The following DHODH variants were observed in gnomAD, a reference collection of about 807,000 sequenced individuals.
The protein encoded by DHODH is dihydroorotate dehydrogenase (quinone), mitochondrial.
Under a neutral mutation model 39.7 loss-of-function variants are expected in DHODH, and 30 were observed. The ratio of observed to expected loss-of-function variants is 0.76; its 90% CI spans 0.57 to 1.02. The LOEUF (loss-of-function observed/expected upper bound fraction) is 1.02, where lower values mean the gene tolerates loss of function less well. Among genes scored for constraint, DHODH ranks in the 50% least tolerant of loss-of-function variants. The pLI is 0.00. For synonymous variants in DHODH, 222 were observed against 213.8 expected, an observed-to-expected ratio of 1.04 and a Z score of -0.34; for missense variants, 531 against 520.8, an observed-to-expected ratio of 1.02 and a Z score of -0.19.
chr16:72,010,042 C>G (rs1320205571), intron 1 of DHODH, among the ~76,000 whole-genome samples: 1 of 152,240 alleles, frequency 6.6e-6, no homozygotes, highest in Non-Finnish European at 1.5e-5. Context: ...GCTACCGCGC[C>G]CAGCCAATGA....
chr16:72,015,488 C>T (rs762735095), intron 3 of DHODH: 2 of 158,882 alleles, frequency 1.3e-5, no homozygotes, highest in Non-Finnish European at 2.7e-5. Flanking sequence ...TGAAGAAGTG[C>T]TTACTTTTTG....
chr16:72,011,455 AT>A (rs1418140749), intron 1 of DHODH, among the ~76,000 whole-genome samples: 1 of 152,240 alleles, frequency 6.6e-6, no homozygotes, highest in Non-Finnish European at 1.5e-5. Context: ...CCTGGGCAAC[AT>A]AAAGAGGCTC....
Position 72,026,972 on chromosome 16 carries a change from TG to T in DHODH, c.*2774del, listed in dbSNP as rs2041281371. 4 of 83,098 alleles carry T rather than the reference TG, an allele frequency of 4.8e-5. No individual in the cohort carries two copies. The highest frequency in any genetic ancestry group is 1.4e-4 in the African/African-American group (4 of 28,650). 5.1% of individuals were successfully genotyped at this position (83,098 alleles called of 1,614,324 possible). A position where few individuals can be genotyped will look rare whatever the true frequency, so the allele number is the denominator to read the frequency against. ...CACCCAGCTAATTTGTGTGTGTGTG[TG>T]TGTGTGTGTGTGTGTGTGTGTGTGT... On this transcript the variant is annotated 3_prime_UTR_variant, in exon 9 of 9. Transcript: ENST00000219240.
chr16:72,020,335 A>ATATATATATATATGTGTG (rs1555530878), intron 4 of DHODH: 1 of 117,364 alleles, frequency 8.5e-6, no homozygotes, highest in Admixed American at 8.4e-5. Flanking sequence ...ATGTGTATAT[A>ATATATATATATATGTGTG]TATATATATA....
intron 4 of DHODH, chr16:72,020,371 ATTTTT>A (rs869191564): frequency 2.2e-5 from 2 of 89,114 alleles, no homozygotes; most frequent in African/African-American, 1.0e-4. Context: ...ATATATATAT[ATTTTT>A]TTTTTTTTTC....
intron 3 of DHODH, 89 bp downstream of exon 3, chr16:72,014,761 C>G (rs553114904): frequency 5.8e-5 from 75 of 1,298,142 alleles, no homozygotes; most frequent in Non-Finnish European, 7.9e-5. Flanking sequence ...TTTTTTTTCT[C>G]TCATACAATG....
chr16:72,011,926 A>C, intron 1 of DHODH, 124 bp from the exon 2 acceptor site: 1 of 714,784 alleles, frequency 1.4e-6, no homozygotes, highest in East Asian at 2.6e-5. Context: ...GTGTCAGCGG[A>C]AGGCTAAGGG....
chr16:72,017,901 A>G (rs1305723256), intron 4 of DHODH, among the ~76,000 whole-genome samples: 3 of 150,796 alleles, frequency 2.0e-5, no homozygotes, highest in African/African-American at 7.4e-5. Context: ...CCTCCCGAGT[A>G]GCTGGGACTT....
At chr16:72,020,949 T>C (rs1424794311) in intron 4 of DHODH, among the ~76,000 whole-genome samples, 175 bp from the exon 5 acceptor site, 1 of 152,218 alleles carries the variant, frequency 6.6e-6, no homozygotes, top group Non-Finnish European at 1.5e-5. Context: ...GTGAGTGGTT[T>C]TGGTCAGCAG....
rs1379656771 is a variant in DHODH at position 72,022,454 on chromosome 16, C to T, written c.798C>T (p.Asp266=). Reference sequence around the variant, plus strand: ...ACCTCACCAGCCAGGATAAGGAGGACATTGCCAGTGTGGTCAAAGAGGTTT... The same window carrying T: ...ACCTCACCAGCCAGGATAAGGAGGATATTGCCAGTGTGGTCAAAGAGGTTT... The part of the protein sequence containing the change: ...APDLTSQDKE[D]IASVVKELGI... The change falls in exon 6 of 9, where the codon GAC becomes GAT. Residue 266 remains aspartate, a synonymous_variant. Transcript: ENST00000219240. The T allele has an allele frequency of 9.7e-6, 15 of 1,554,394 alleles. No homozygotes were observed. Among genetic ancestry groups the T allele is most frequent in the Non-Finnish European group, 1.3e-5 (15 of 1,148,738 alleles).
At position 72,023,559 on chromosome 16, in the gene DHODH, G is replaced by T. The variant is rs1405557935; in HGVS notation, c.1059G>T (p.Gln353His). 6.2e-7 allele frequency: 1 copy of T among 1,614,014 alleles called. No individual in the cohort carries two copies. Among genetic ancestry groups the T allele is most frequent in the Non-Finnish European group, 8.5e-7 (1 of 1,180,062 alleles). The change falls in exon 8 of 9, where the codon CAG (glutamine) becomes CAT (histidine). Residue 353 changes from glutamine (Q) to histidine (H), a missense_variant. Physicochemically the swap from Gln to His is conservative, Grantham distance 24 (BLOSUM62 0). Coordinates refer to ENST00000219240, the MANE Select transcript of DHODH (RefSeq NM_001361.5). The part of the protein sequence containing the change: ...EKIRAGASLV[Q>H]LYTALTFWGP... ...TCCGGGCAGGGGCCTCCCTGGTGCA[G>T]CTGTACACGGCCCTCACCTTCTGGG...
At position 72,024,467 on chromosome 16, in the gene DHODH, G is replaced by A; in HGVS notation, c.*268G>A. ...TTGCAAGGACATTGAATATTAGGAG[G>A]AAAAAGTCATGGAAAAAATAAAGCC... is the stretch of plus-strand genomic sequence containing the variant. On this transcript the variant is annotated 3_prime_UTR_variant, in exon 9 of 9. Coordinates refer to ENST00000219240, the MANE Select transcript of DHODH (RefSeq NM_001361.5). The A allele has an allele frequency of 3.8e-6, 2 of 520,672 alleles. No homozygotes were observed. Among genetic ancestry groups the A allele is most frequent in the Non-Finnish European group, 7.0e-6 (2 of 287,036 alleles). 32.3% of individuals were successfully genotyped at this position (520,672 alleles called of 1,614,324 possible). A position where few individuals can be genotyped will look rare whatever the true frequency, so the allele number is the denominator to read the frequency against.
intron 3 of DHODH, among the ~76,000 whole-genome samples, chr16:72,015,112 TAATA>T (rs1356747588): frequency 6.6e-6 from 1 of 152,268 alleles, no homozygotes; most frequent in Non-Finnish European, 1.5e-5. Flanking sequence ...TGAGTGAAGT[TAATA>T]CTTACTTAAA....
chr16:72,022,567 G>A, intron 6 of DHODH, 92 bp downstream of exon 6: 1 of 1,012,820 alleles, frequency 9.9e-7, no homozygotes. Context: ...CGTTCTTTGT[G>A]ATTTCCTCTC....
At chr16:72,014,291 T>C (rs896666677) in intron 2 of DHODH, 182 bp from the exon 3 acceptor site, 2 of 629,230 alleles carry the variant, frequency 3.2e-6, no homozygotes, top group African/African-American at 3.7e-5. Flanking sequence ...GCCAGCACTG[T>C]TAAAAATAGT....
chr16:72,027,189 G>C lies in DHODH; in HGVS notation c.*2990G>C, dbSNP rs2041284649. 6.6e-6 allele frequency: 1 copy of C among 152,362 alleles called. No homozygotes were observed. The highest frequency in any genetic ancestry group is 2.1e-4 in the South Asian group (1 of 4,822). 9.4% of individuals were successfully genotyped at this position (152,362 alleles called of 1,614,324 possible). A position where few individuals can be genotyped will look rare whatever the true frequency, so the allele number is the denominator to read the frequency against. ...TTTTTTTGTATTTTAAGTAGAGACA[G>C]GGTTTCACCGTGTTAGCCAGGATGG... On this transcript the variant is annotated 3_prime_UTR_variant, in exon 9 of 9. Coordinates refer to ENST00000219240, the MANE Select transcript of DHODH (RefSeq NM_001361.5).
In DHODH at chr16:72,026,634, C is replaced by A. The variant is rs1328748043; in HGVS notation, c.*2435C>A. 3.3e-5 allele frequency: 5 copies of A among 152,222 alleles called. No homozygotes were observed. The highest frequency in any genetic ancestry group is 1.2e-4 in the African/African-American group (5 of 41,404). 9.4% of individuals were successfully genotyped at this position (152,222 alleles called of 1,614,324 possible). A position where few individuals can be genotyped will look rare whatever the true frequency, so the allele number is the denominator to read the frequency against. The stretch of plus-strand genomic sequence containing the variant: ...GACCTCTTGGTCCACCCGCCTCAGC[C>A]TCCCAAAGTGCTGGGATTACAGGTG... On this transcript the variant is annotated 3_prime_UTR_variant, in exon 9 of 9. Transcript: ENST00000219240.
At position 72,014,561 on chromosome 16, in the gene DHODH, AT is replaced by A; in HGVS notation, c.324del (p.Tyr108Ter). 6.2e-7 allele frequency: 1 copy of A among 1,614,186 alleles called. No individual in the cohort carries two copies. The highest frequency in any genetic ancestry group is 2.2e-5 in the East Asian group (1 of 44,888). ...CATGGGGAAGCCGTGGACGGACTTT[AT>A]AAGATGGGCTTTGGTTTTGTTGAGA... ...DKHGEAVDGL[Y>X]KMGFGFVEIG... On this transcript the variant is annotated frameshift_variant, in exon 3 of 9. Coordinates refer to ENST00000219240, the MANE Select transcript of DHODH (RefSeq NM_001361.5). LOFTEE classifies it high-confidence loss of function.
chr16:72,021,425 A>G (rs2041216414), intron 5 of DHODH, 114 bp downstream of exon 5: 4 of 1,158,898 alleles, frequency 3.5e-6, no homozygotes, highest in Admixed American at 4.0e-5. Flanking sequence ...CTTAGCACCT[A>G]GACCAGTAGG....
Sources: allele counts gnomAD v4.1 joint callset (sites outside exome capture counted in the v4.1 genomes callset), GRCh38; gene constraint gnomAD v4.1.1; transcripts MANE v1.5; gene names NCBI Gene and HGNC (gene_info 2026-07-23, HGNC 2026-07-21).